TEDC1: variants seen among roughly 807,000 people sequenced by gnomAD.
The protein encoded by TEDC1 is tubulin epsilon and delta complex protein 1.
A neutral mutation model predicts 59.9 loss-of-function variants in TEDC1; 54 were observed. That is an observed-to-expected ratio of 0.90 (90% CI 0.72 to 1.13). The LOEUF is 1.13. Among genes scored for constraint, TEDC1 ranks in the 50% most tolerant of loss-of-function variants. TEDC1 has a pLI of 0.00. For missense variants in TEDC1, 734 were observed against 683.4 expected (o/e 1.07, Z -0.83); for synonymous variants, 353 against 298.1 (o/e 1.18, Z -1.90).
chr14:105,491,986 C>T, intron 2 of TEDC1, 121 bp from the exon 3 acceptor site: 3 of 1,077,780 alleles, frequency 2.8e-6, no homozygotes, highest in Non-Finnish European at 2.7e-6. Context: ...CTCCCACTAT[C>T]ATCTCTTCTG....
At chr14:105,498,212 G>C (rs1428559565) in intron 8 of TEDC1, among the ~76,000 whole-genome samples, 2 of 152,208 alleles carry the variant, frequency 1.3e-5, no homozygotes, top group Non-Finnish European at 2.9e-5. Context: ...CTTTGCATGA[G>C]GGAGGGAAGC....
At chr14:105,491,011 C>A, upstream of TEDC1, 1 of 1,548,600 alleles carries the variant, frequency 6.5e-7, no homozygotes, top group South Asian at 1.2e-5. Flanking sequence ...TGGGTCCGCA[C>A]GAGACAGAAT....
intron 6 of TEDC1, 110 bp from the exon 7 acceptor site, chr14:105,497,247 C>T (rs991261890): frequency 3.5e-5 from 37 of 1,061,134 alleles, no homozygotes; most frequent in East Asian, 7.8e-5. Flanking sequence ...AGGGGCGGGG[C>T]GTGAGCTAGG....
At chr14:105,495,724 G>A (rs587613459) in intron 5 of TEDC1, 156 bp from the exon 6 acceptor site, 2 of 658,678 alleles carry the variant, frequency 3.0e-6, no homozygotes, top group East Asian at 5.5e-5. Flanking sequence ...GCAGAGGAGA[G>A]GCTGCCCTGG....
intron 6 of TEDC1, 80 bp from the exon 7 acceptor site, chr14:105,497,277 G>A (rs1349139848): frequency 1.7e-5 from 23 of 1,384,130 alleles, no homozygotes; most frequent in Middle Eastern, 2.2e-4. Flanking sequence ...GGGTGTCGGC[G>A]CTGGGTCCAG....
intron 8 of TEDC1, 28 bp from the exon 9 acceptor site, chr14:105,498,589 A>C (rs1555440983): frequency 6.6e-7 from 1 of 1,509,324 alleles, no homozygotes; most frequent in Admixed American, 2.1e-5. Flanking sequence ...CTGGGGGGAC[A>C]GAGCCATTGC....
intron 2 of TEDC1, 90 bp from the exon 3 acceptor site, chr14:105,492,017 C>G: frequency 1.5e-6 from 2 of 1,349,242 alleles, no homozygotes; most frequent in Non-Finnish European, 2.0e-6. Flanking sequence ...TGAGCTTCTG[C>G]TCAAGTGACC....
At chr14:105,491,818 C>T in intron 2 of TEDC1, 118 bp downstream of exon 2, 1 of 1,211,910 alleles carries the variant, frequency 8.3e-7, no homozygotes, top group Non-Finnish European at 1.2e-6. Flanking sequence ...CCAACACTGA[C>T]CCCGCTTGCT....
rs1230397910 is a variant in TEDC1, at chr14:105,495,796, C to T, written c.685-84C>T. On this transcript the variant is annotated intron_variant, in intron 5 of 8. Coordinates refer to ENST00000392523, the MANE Select transcript of TEDC1 (RefSeq NM_001367178.1). ...ACCCTCTGTGGTGGGCTGGGGGGGC[C>T]TGGAAGTGAGGCCCCGCCCTCTCCC... is the stretch of plus-strand genomic sequence containing the variant. 2.6e-6 allele frequency: 3 copies of T among 1,160,296 alleles called. No individual in the cohort carries two copies. In the African/African-American group the frequency reaches 4.6e-5, roughly 18 times the overall value. 71.9% of individuals were successfully genotyped at this position (1,160,296 alleles called of 1,614,324 possible). A position where few individuals can be genotyped will look rare whatever the true frequency, so the allele number is the denominator to read the frequency against.
chr14:105,492,342 C>T (rs781894445), intron 3 of TEDC1, 33 bp downstream of exon 3: 1 of 1,594,278 alleles, frequency 6.3e-7, no homozygotes. Flanking sequence ...TGAGCCAGCC[C>T]TGGTCTCAAC....
In TEDC1 at chr14:105,495,874, T is replaced by C; in HGVS notation, c.685-6T>C. ...GGACTGGGGCCATGGCTGGCTTCCT[T>C]CCAAGGTTTCTGGAGCGGGAGCTGC... On this transcript the variant is annotated splice_polypyrimidine_tract_variant and splice_region_variant and intron_variant, in intron 5 of 8. Coordinates refer to ENST00000392523, the MANE Select transcript of TEDC1 (RefSeq NM_001367178.1). 6.5e-7 allele frequency: 1 copy of C among 1,547,716 alleles called. No individual in the cohort carries two copies.
chr14:105,494,168 G>A (rs2084288769), intron 5 of TEDC1: 1 of 578,466 alleles, frequency 1.7e-6, no homozygotes, highest in East Asian at 2.9e-5. Flanking sequence ...ACGTGGCACG[G>A]GTGGGGGCCC....
At chr14:105,493,996 GCCCA>G in intron 5 of TEDC1, 63 bp downstream of exon 5, 1 of 244,988 alleles carries the variant, frequency 4.1e-6, no homozygotes, top group Non-Finnish European at 7.6e-6. Context: ...CAGGGGGACT[GCCCA>G]GGGTGGGAGG....
In TEDC1 at chr14:105,499,202, G is replaced by A. The variant is rs922360655; in HGVS notation, c.*256G>A. On this transcript the variant is annotated 3_prime_UTR_variant, in exon 9 of 9. Transcript: ENST00000392523. The stretch of plus-strand genomic sequence containing the variant: ...CAGCCTGGTGGTCTGGAGGGGACTC[G>A]GAAATAAATTGTAGCAGCTTTCCTG... 34 of 559,092 alleles carry A rather than the reference G, an allele frequency of 6.1e-5. No individual in the cohort carries two copies. The highest frequency in any genetic ancestry group is 4.4e-4 in the African/African-American group (23 of 52,844). The allele number at this position is 559,092 out of a possible 1,614,324, so 34.6% of individuals were successfully genotyped here. A position where few individuals can be genotyped will look rare whatever the true frequency, so the allele number is the denominator to read the frequency against.
intron 4 of TEDC1, 115 bp downstream of exon 4, chr14:105,492,849 G>A (rs1265040677): frequency 2.9e-6 from 4 of 1,373,890 alleles, no homozygotes; most frequent in South Asian, 1.4e-5. Context: ...GCTGGATGTG[G>A]GCCTTCCTGC....
upstream of TEDC1, chr14:105,491,025 C>A: frequency 1.3e-6 from 2 of 1,550,506 alleles, no homozygotes; most frequent in South Asian, 2.4e-5. Context: ...ACAGAATAGA[C>A]TACACTCAAA....
chr14:105,492,357 G>C lies in TEDC1; in HGVS notation c.429+48G>C, dbSNP rs587720400. The C allele has an allele frequency of 2.5e-6, 4 of 1,590,010 alleles. No individual in the cohort carries two copies. In the African/African-American group the frequency reaches 5.3e-5, roughly 21 times the overall value. On this transcript the variant is annotated intron_variant, in intron 3 of 8. Coordinates refer to ENST00000392523, the MANE Select transcript of TEDC1 (RefSeq NM_001367178.1). ...TGAGCCAGCCCTGGTCTCAACTCCTGGGGCCAGAGCAAGGGCAGGCCTGGG... is the reference window on the plus strand; with the variant it reads ...TGAGCCAGCCCTGGTCTCAACTCCTCGGGCCAGAGCAAGGGCAGGCCTGGG...
Position 105,498,930 on chromosome 14 carries a change from C to T in TEDC1, c.1472C>T (p.Pro491Leu), listed in dbSNP as rs143242009. Residue 491 changes from proline (P) to leucine (L), a missense_variant, in exon 9 of 9, where the codon CCG becomes CTG. Coordinates refer to ENST00000392523, the MANE Select transcript of TEDC1 (RefSeq NM_001367178.1). ...VGARPGLIWIPPPGR is the reference protein window; with the variant it reads ...VGARPGLIWILPPGR Reference sequence around the variant, plus strand: ...GCCCGCCCTGGTCTCATCTGGATCCCGCCACCTGGACGCTGAGGGCCTGTC... The same window carrying T: ...GCCCGCCCTGGTCTCATCTGGATCCTGCCACCTGGACGCTGAGGGCCTGTC... 178 of 1,605,246 alleles carry T rather than the reference C, an allele frequency of 1.1e-4. No homozygotes were observed. Among genetic ancestry groups the T allele is most frequent in the Admixed American group, 5.2e-4 (31 of 59,576 alleles).
chr14:105,492,884 C>CTGCAGCCTGCTCCACACTCTGG, intron 4 of TEDC1, 150 bp downstream of exon 4: 2 of 1,187,516 alleles, frequency 1.7e-6, no homozygotes, highest in Non-Finnish European at 2.3e-6. Flanking sequence ...AGCCTGAGCC[C>CTGCAGCCTGCTCCACACTCTGG]GTGGTTCCCG....
Sources: gnomAD v4.1 joint callset for allele counts (sites outside exome capture counted in the v4.1 genomes callset) on GRCh38, gnomAD v4.1.1 for gene constraint, MANE v1.5 for transcripts, NCBI Gene and HGNC (gene_info 2026-07-23, HGNC 2026-07-21) for gene names.